The following SEC31A variants were observed in gnomAD, a reference collection of about 807,000 sequenced individuals.
SEC31A encodes protein transport protein Sec31A.
Under a neutral mutation model 151.0 loss-of-function variants are expected in SEC31A, and 70 were observed. The observed-to-expected ratio is 0.46, with a 90% CI of 0.38 to 0.57. SEC31A has a LOEUF of 0.57. SEC31A is among the 20% of genes least tolerant of loss of function. The pLI, the probability that SEC31A is intolerant of heterozygous loss-of-function variation, is 0.00. For missense variants in SEC31A, 1,330 were observed against 1,471.2 expected, an observed-to-expected ratio of 0.90 and a Z score of 1.57; for synonymous variants, 475 against 505.9, an observed-to-expected ratio of 0.94 and a Z score of 0.82.
At chr4:82,863,426 A>T (rs1734604718) in intron 11 of SEC31A, 34 bp from the exon 12 acceptor site, 1 of 1,375,856 alleles carries the variant, frequency 7.3e-7, no homozygotes, top group Non-Finnish European at 9.9e-7. Flanking sequence ...TAAAACAAAG[A>T]CCTACATTTA....
chr4:82,874,584 T>C, intron 6 of SEC31A, 27 bp downstream of exon 6: 1 of 1,572,962 alleles, frequency 6.4e-7, no homozygotes, highest in Non-Finnish European at 8.6e-7. Context: ...ATACAACATG[T>C]TCATCACAAG....
rs781376339 is a variant in SEC31A at position 82,848,816 on chromosome 4, T to C, written c.2490A>G (p.Gln830=). The change falls in exon 20 of 27, where the codon CAA becomes CAG. Residue 830 remains glutamine, a synonymous_variant. Coordinates refer to ENST00000395310, the MANE Select transcript of SEC31A (RefSeq NM_001077207.4). The part of the protein sequence containing the change: ...HHQMPRVQTQ[Q]YYPHGENPPP... Reference sequence around the variant, plus strand: ...CCATATCACTCACATGGGGATAATATTGTTGAGTTTGAACTCTTGGCATCT... The same window carrying C: ...CCATATCACTCACATGGGGATAATACTGTTGAGTTTGAACTCTTGGCATCT... 149 of 1,612,890 alleles carry C rather than the reference T, an allele frequency of 9.2e-5. No individual in the cohort carries two copies. The highest frequency in any genetic ancestry group is 4.9e-4 in the Middle Eastern group (3 of 6,072).
intron 1 of SEC31A, among the ~76,000 whole-genome samples, chr4:82,888,744 G>T (rs1560677152): frequency 6.6e-6 from 1 of 151,284 alleles, no homozygotes; most frequent in Non-Finnish European, 1.5e-5. Flanking sequence ...TTCTAGACTA[G>T]AACTCTTTAT....
rs548830653 is a variant in SEC31A at position 82,867,773 on chromosome 4, C to T, written c.883-457G>A. 3.3e-5 allele frequency among the ~76,000 whole-genome samples: 5 copies of T among 152,302 alleles called. No homozygotes were observed. The East Asian group carries it at 7.7e-4, about 24-fold the overall frequency. On this transcript the variant is annotated intron_variant, in intron 8 of 26. Coordinates refer to ENST00000395310, the MANE Select transcript of SEC31A (RefSeq NM_001077207.4). ...TCAGCCTCCCAAGCAGCTGGGATTA[C>T]AGGCGCCCATCATCATGCCCGGCTA...
intron 19 of SEC31A, among the ~76,000 whole-genome samples, chr4:82,849,634 A>G (rs1731051625): frequency 7.1e-6 from 1 of 141,370 alleles, no homozygotes. Flanking sequence ...AAAAAAAACT[A>G]TAACTAAAAG....
Position 82,857,793 on chromosome 4 carries a change from G to A in SEC31A, c.1627-29C>T, listed in dbSNP as rs1380708701. The A allele has an allele frequency of 2.1e-6, 3 of 1,415,844 alleles. No individual in the cohort carries two copies. In the South Asian group the frequency reaches 3.5e-5, roughly 17 times the overall value. The allele number at this position is 1,415,844 out of a possible 1,614,324, so 87.7% of individuals were successfully genotyped here. On this transcript the variant is annotated intron_variant, in intron 14 of 26. Transcript: ENST00000395310. ...AAGAGATGAAAAAAGCAACAATTTA[G>A]CCAGAATAAAACTGTGGAATGATTT... is the stretch of plus-strand genomic sequence containing the variant.
chr4:82,890,201 CAAAAAAAA>C (rs60372442), intron 1 of SEC31A, among the ~76,000 whole-genome samples: 3 of 74,930 alleles, frequency 4.0e-5, no homozygotes, highest in South Asian at 5.1e-4. Context: ...GACTCCGTCT[CAAAAAAAA>C]AAAAAAAAAA....
At chr4:82,836,372 C>CAAAAAAAAAAAAAAAAA (rs70943158) in intron 22 of SEC31A, among the ~76,000 whole-genome samples, 1 of 62,116 alleles carries the variant, frequency 1.6e-5, no homozygotes, top group Non-Finnish European at 3.4e-5. Context: ...GACTCCATCT[C>CAAAAAAAAAAAAAAAAA]AAAAAAAAAA....
rs752963690 is a variant in SEC31A, at chr4:82,861,681, G to A, written c.1576C>T (p.Gln526Ter). Reference sequence around the variant, plus strand: ...GCAGGGCTCTCCTCCCCATCACTCTGTGCTACTTGGTCAGAGTCTTTAAGA... The same window carrying A: ...GCAGGGCTCTCCTCCCCATCACTCTATGCTACTTGGTCAGAGTCTTTAAGA... ...VALKDSDQVA[Q>*]SDGEESPAAE... The change falls in exon 14 of 27, where the codon CAG becomes TAG. Residue 526 changes from glutamine (Q) to a stop codon, truncating the protein, a stop_gained. Coordinates refer to ENST00000395310, the MANE Select transcript of SEC31A (RefSeq NM_001077207.4). LOFTEE classifies it high-confidence loss of function. 6.2e-7 allele frequency: 1 copy of A among 1,610,804 alleles called. No homozygotes were observed. Among genetic ancestry groups the A allele is most frequent in the Non-Finnish European group, 8.5e-7 (1 of 1,177,766 alleles).
chr4:82,827,537 T>G lies in SEC31A; in HGVS notation c.3123A>C (p.Ser1041=). Residue 1041 remains serine, a synonymous_variant, in exon 24 of 27, where the codon TCA becomes TCC. Coordinates refer to ENST00000395310, the MANE Select transcript of SEC31A (RefSeq NM_001077207.4). ...PQSQMLQQQP[S]APVPLSSQSS... ...ACTGGCTTGACAGTGGTACTGGAGC[T>G]GAAGGCTGTTGCTGCAGCATTTGTG... is the stretch of plus-strand genomic sequence containing the variant. The G allele has an allele frequency of 1.2e-6, 2 of 1,614,228 alleles. No homozygotes were observed. The highest frequency in any genetic ancestry group is 1.7e-6 in the Non-Finnish European group (2 of 1,180,040).
At position 82,857,042 on chromosome 4, in the gene SEC31A, A is replaced by G. The variant is rs760534220; in HGVS notation, c.1791T>C (p.Asp597=). 3 of 1,614,140 alleles carry G rather than the reference A, an allele frequency of 1.9e-6. No homozygotes were observed. The highest frequency in any genetic ancestry group is 1.7e-5 in the Admixed American group (1 of 60,006). Residue 597 remains aspartate (D), a synonymous_variant, in exon 16 of 27, where the codon GAT becomes GAC. Coordinates refer to ENST00000395310, the MANE Select transcript of SEC31A (RefSeq NM_001077207.4). ...DLCLHDNRMA[D]AIILAIAGGQ... ...CACCTGCTATGGCCAATATAATGGC[A>G]TCGGCCATGCGGTTATCATGTAAAC...
chr4:82,862,069 C>T (rs533389022), intron 13 of SEC31A, among the ~76,000 whole-genome samples: 8 of 151,652 alleles, frequency 5.3e-5, no homozygotes, highest in Admixed American at 2.0e-4. Context: ...TGTGCCACCA[C>T]GCCCAGCTAA....
intron 1 of SEC31A, among the ~76,000 whole-genome samples, chr4:82,887,518 C>T (rs1333489436): frequency 1.3e-5 from 2 of 152,204 alleles, no homozygotes; most frequent in Admixed American, 1.3e-4. Context: ...CAGACACCCT[C>T]AGTTTAAATT....
In SEC31A at chr4:82,878,765, C is replaced by A; in HGVS notation, c.367G>T (p.Gly123Cys). ...VVIAQNDKHT[G>C]PVRALDVNIF... ...TTCACATCCAAGGCTCTCACTGGGC[C>A]AGTATGCTTGTCATTCTGGGCAATC... The change falls in exon 4 of 27, where the codon GGC becomes TGC. Residue 123 changes from glycine to cysteine, a missense_variant. Transcript: ENST00000395310. 1 of 1,614,068 alleles carries A rather than the reference C, an allele frequency of 6.2e-7. No individual in the cohort carries two copies. Among genetic ancestry groups the A allele is most frequent in the Non-Finnish European group, 8.5e-7 (1 of 1,179,954 alleles).
intron 18 of SEC31A, 52 bp from the exon 19 acceptor site, chr4:82,851,656 G>A (rs1578229913): frequency 4.1e-6 from 6 of 1,455,122 alleles, no homozygotes; most frequent in Non-Finnish European, 5.7e-6. Flanking sequence ...ATGTATGAGA[G>A]GAAGCAGGAA....
chr4:82,895,687 C>T (rs1460519461), upstream of SEC31A: 2 of 152,186 alleles, frequency 1.3e-5, no homozygotes, highest in African/African-American at 4.8e-5. Context: ...GTGTAAGTCC[C>T]ATACCTTATT....
upstream of SEC31A, chr4:82,895,325 C>G (rs1720019768): frequency 6.6e-6 from 1 of 152,176 alleles, no homozygotes; most frequent in African/African-American, 2.4e-5. Context: ...AAAAAATTAG[C>G]TGGGTGTGGT....
intron 7 of SEC31A, chr4:82,871,251 T>G (rs1210022440): frequency 7.7e-7 from 1 of 1,306,112 alleles, no homozygotes; most frequent in East Asian, 2.8e-5. Flanking sequence ...AAAAAAGTTA[T>G]CTAACTATAT....
intron 3 of SEC31A, among the ~76,000 whole-genome samples, chr4:82,898,475 T>C (rs1720156506): frequency 6.6e-6 from 1 of 152,206 alleles, no homozygotes; most frequent in Non-Finnish European, 1.5e-5. Flanking sequence ...ATAAAAGCAG[T>C]TTTCAGAAAT....
Sources: allele counts gnomAD v4.1 joint callset (sites outside exome capture counted in the v4.1 genomes callset), GRCh38; gene constraint gnomAD v4.1.1; transcripts MANE v1.5; gene names NCBI Gene and HGNC (gene_info 2026-07-23, HGNC 2026-07-21).